RRM2: variants seen among roughly 807,000 people sequenced by gnomAD.
RRM2 encodes the protein ribonucleotide reductase regulatory subunit M2.
RRM2 carries 6 observed loss-of-function variants against 45.9 expected under a neutral mutation model. The observed-to-expected ratio is 0.13, with a 90% confidence interval of 0.07 to 0.26. RRM2 has a LOEUF of 0.26. Among genes scored for constraint, RRM2 ranks in the 10% least tolerant of loss-of-function variants. The pLI, the probability that RRM2 is intolerant of heterozygous loss-of-function variation, is 1.00. For missense variants in RRM2, 343 were observed against 489.5 expected (o/e 0.70, Z 2.82); for synonymous variants, 177 against 173.0 (o/e 1.02, Z -0.18).
rs780512248 is a variant in RRM2, at chr2:10,124,713, C to T, written c.436-4C>T. 15 of 1,611,296 alleles carry T rather than the reference C, an allele frequency of 9.3e-6. No individual in the cohort carries two copies. The highest frequency in any genetic ancestry group is 4.5e-4 in the Middle Eastern group (2 of 4,478). On this transcript the variant is annotated splice_region_variant and splice_polypyrimidine_tract_variant and intron_variant, in intron 4 of 9. Transcript: ENST00000304567. ...AGCTTAACTTTGATGTGTTTTGCCA[C>T]TAGGTGGAGCGATTTAGCCAAGAAG...
upstream of RRM2, among the ~76,000 whole-genome samples, chr2:10,136,576 C>T (rs1307909823): frequency 1.3e-5 from 2 of 152,128 alleles, no homozygotes; most frequent in African/African-American, 4.8e-5. Context: ...TCAAGACCAG[C>T]CTAGGCAATA....
Position 10,130,630 on chromosome 2 carries a change from ATTT to A in RRM2, c.*1259_*1261del, listed in dbSNP as rs34217469. On this transcript the variant is annotated 3_prime_UTR_variant, in exon 10 of 10. Transcript: ENST00000304567. ...AATATTAATTTCAGAATGAAACATA[ATTT>A]TTTTTTTTTTTTTTGAGATGGAGTC... The A allele has an allele frequency of 1.4e-5, 2 of 140,442 alleles. No individual in the cohort carries two copies. Among genetic ancestry groups the A allele is most frequent in the Non-Finnish European group, 1.5e-5 (1 of 64,870 alleles). The allele number at this position is 140,442 out of a possible 1,614,324, so 8.7% of individuals were successfully genotyped here.
chr2:10,171,058 G>A lies in RRM2; in HGVS notation n.482+28683G>A, dbSNP rs1212585728. 1.3e-5 allele frequency among the ~76,000 whole-genome samples: 2 copies of A among 152,218 alleles called. No homozygotes were observed. The highest frequency in any genetic ancestry group is 1.5e-5 in the Non-Finnish European group (1 of 68,030). ...GGGCATCTAGATGACCCTCCACACT[G>A]AGCAGACCCAGCACAGGCTGCGCCA... On this transcript the variant is annotated intron_variant and non_coding_transcript_variant, in intron 3 of 3. Transcript: ENST00000381786. This position sits in a 1 kb window ranked among gnomAD's most constrained non-coding sequence, Gnocchi z 4.1.
intron 3 of RRM2, among the ~76,000 whole-genome samples, chr2:10,179,908 C>T (rs1425895827): frequency 1.3e-5 from 2 of 152,196 alleles, no homozygotes; most frequent in African/African-American, 4.8e-5. Context: ...GACCTCCATA[C>T]CCCTTATTTT....
rs1663254629 is a variant in RRM2, at chr2:10,149,156, T to G, written n.482+6781T>G. 2.0e-5 allele frequency among the ~76,000 whole-genome samples: 3 copies of G among 148,928 alleles called. No homozygotes were observed. In the Admixed American group the frequency reaches 2.0e-4, roughly 10 times the overall value. ...TTTTTTTTTTTTTTTCGAGATGGAG[T>G]CTTACTCTGTTGCTCAGGCTGGAGT... On this transcript the variant is annotated intron_variant and non_coding_transcript_variant, in intron 3 of 3. Coordinates refer to the RRM2 transcript ENST00000381786.
At chr2:10,209,020 C>G (rs990379535) in intron 3 of RRM2, among the ~76,000 whole-genome samples, 3 of 130,682 alleles carry the variant, frequency 2.3e-5, no homozygotes, top group Non-Finnish European at 5.3e-5. Flanking sequence ...GTCCCTGCTG[C>G]AGAAAGTGGT....
chr2:10,159,187 T>C (rs4669544), intron 3 of RRM2, among the ~76,000 whole-genome samples: 73,781 of 151,950 alleles, frequency 0.49, 19,660 homozygotes, highest in East Asian at 0.85. Flanking sequence ...ACCACTCCCT[T>C]GTGGGTGGAG....
At chr2:10,135,567 C>T (rs1003134386), downstream of RRM2, among the ~76,000 whole-genome samples, 11 of 151,708 alleles carry the variant, frequency 7.3e-5, no homozygotes, top group Non-Finnish European at 1.5e-4. Flanking sequence ...TGGAAAGGGT[C>T]GAGATGCAGC....
chr2:10,167,355 C>A (rs1663704133), intron 3 of RRM2, among the ~76,000 whole-genome samples: 1 of 152,214 alleles, frequency 6.6e-6, no homozygotes, highest in Non-Finnish European at 1.5e-5. Flanking sequence ...CCCAGGACAG[C>A]CTTCTCTTGA....
At chr2:10,124,160 C>T in intron 4 of RRM2, 2 of 301,740 alleles carry the variant, frequency 6.6e-6, no homozygotes, top group South Asian at 6.1e-5. Flanking sequence ...GGCTGGAGTG[C>T]AGTGGTGTGA....
At position 10,192,987 on chromosome 2, in the gene RRM2, G is replaced by A. The variant is rs138830779; in HGVS notation, n.483-17324G>A. Among the ~76,000 whole-genome samples, 574 of 152,296 alleles carry A rather than the reference G, an allele frequency of 3.8e-3. 3 individuals carry two copies. The highest frequency in any genetic ancestry group is 0.013 in the African/African-American group (537 of 41,554). On this transcript the variant is annotated intron_variant and non_coding_transcript_variant, in intron 3 of 3. Coordinates refer to the RRM2 transcript ENST00000381786. The stretch of plus-strand genomic sequence containing the variant: ...CAGGGTCCTCCTTCAGACTCCTCCA[G>A]GGAGGCCACACCCTCACACAGACCT...
chr2:10,152,513 C>T (rs1193258330), intron 3 of RRM2, among the ~76,000 whole-genome samples: 4 of 145,524 alleles, frequency 2.7e-5, no homozygotes, highest in African/African-American at 7.7e-5. Context: ...TTTTGAGTCT[C>T]GCTGTATCAC....
chr2:10,186,903 C>G (rs1234175110), intron 3 of RRM2, among the ~76,000 whole-genome samples: 3 of 152,232 alleles, frequency 2.0e-5, no homozygotes, highest in Non-Finnish European at 4.4e-5. Context: ...GCTCTCAGGT[C>G]CCAGTGAGGC....
intron 3 of RRM2, among the ~76,000 whole-genome samples, chr2:10,177,663 TTTCCTTCCTTCCTTCCTTCCTTCCTTCC>T (rs138844800): frequency 7.1e-6 from 1 of 141,148 alleles, no homozygotes; most frequent in Non-Finnish European, 1.5e-5. Flanking sequence ...CTTCTTTCCT[TTTCCTTCCTTCCTTCCTTCCTTCCTTCC>T]TTCCTTCCTT....
At chr2:10,142,009 G>A (rs1663094163) in intron 2 of RRM2, 1 of 1,574,346 alleles carries the variant, frequency 6.4e-7, no homozygotes. Flanking sequence ...GGAAGGGGCG[G>A]GCTATGCCCC....
intron 3 of RRM2, among the ~76,000 whole-genome samples, chr2:10,167,118 G>A (rs1663698567): frequency 6.6e-6 from 1 of 152,282 alleles, no homozygotes; most frequent in East Asian, 1.9e-4. Context: ...AGCTGCTCTC[G>A]AGACACGCCT....
At chr2:10,156,213 A>G (rs1663421318) in intron 3 of RRM2, 1 of 152,246 alleles carries the variant, frequency 6.6e-6, no homozygotes, top group Admixed American at 6.5e-5. Flanking sequence ...AAAATACACT[A>G]ACACTAACGA....
rs1425259530 is a variant in RRM2 at position 10,205,776 on chromosome 2, C to T, written n.483-4535C>T. Among the ~76,000 whole-genome samples the T allele has an allele frequency of 1.3e-5, 2 of 152,116 alleles. No individual in the cohort carries two copies. The highest frequency in any genetic ancestry group is 4.8e-5 in the African/African-American group (2 of 41,456). On this transcript the variant is annotated intron_variant and non_coding_transcript_variant, in intron 3 of 3. Coordinates refer to the RRM2 transcript ENST00000381786. The surrounding 1 kb of genome is among the most constrained non-coding windows in gnomAD (Gnocchi z 4.8). Reference sequence around the variant, plus strand: ...GTGCAATCTCCGCTCACTGCAACCTCTGCCTCCTGGTTTCAAGTGATTCTC... The same window carrying T: ...GTGCAATCTCCGCTCACTGCAACCTTTGCCTCCTGGTTTCAAGTGATTCTC...
chr2:10,131,319 A>G lies in RRM2; in HGVS notation c.*1933A>G, dbSNP rs905370078. ...GGATTAACTTCTGCCAGCTCAGACC[A>G]TTTCCTAATCAGTTGAAAGGGAAAC... On this transcript the variant is annotated 3_prime_UTR_variant, in exon 10 of 10. Coordinates refer to ENST00000304567, the MANE Select transcript of RRM2 (RefSeq NM_001034.4). 1 of 152,246 alleles carries G rather than the reference A, an allele frequency of 6.6e-6. No homozygotes were observed. The highest frequency in any genetic ancestry group is 1.5e-5 in the Non-Finnish European group (1 of 68,042). 9.4% of individuals were successfully genotyped at this position (152,246 alleles called of 1,614,324 possible). A position where few individuals can be genotyped will look rare whatever the true frequency, so the allele number is the denominator to read the frequency against.
Sources: gnomAD v4.1 joint callset for allele counts (sites outside exome capture counted in the v4.1 genomes callset) on GRCh38, gnomAD v4.1.1 for gene constraint, Gnocchi (gnomAD v3.1) non-coding constraint, MANE v1.5 for transcripts, NCBI Gene and HGNC (gene_info 2026-07-23, HGNC 2026-07-21) for gene names.